The following PDE6A variants were observed in gnomAD, a reference collection of about 807,000 sequenced individuals.
PDE6A encodes rod cGMP-specific 3',5'-cyclic phosphodiesterase subunit alpha.
In PDE6A, 84 loss-of-function variants were observed where a neutral mutation model predicts 106.3. The observed-to-expected ratio is 0.79, with a 90% CI of 0.66 to 0.95. The LOEUF (loss-of-function observed/expected upper bound fraction) is 0.95, where lower values mean the gene tolerates loss of function less well. PDE6A is among the 40% of genes least tolerant of loss of function. PDE6A has a pLI of 0.00. For synonymous variants in PDE6A, 394 were observed against 386.6 expected, an observed-to-expected ratio of 1.02 and a Z score of -0.23; for missense variants, 1,052 against 1,084.9, an observed-to-expected ratio of 0.97 and a Z score of 0.43.
intron 21 of PDE6A, among the ~76,000 whole-genome samples, chr5:149,861,228 G>A (rs1408084735): frequency 3.3e-5 from 5 of 152,248 alleles, no homozygotes; most frequent in African/African-American, 1.2e-4. Context: ...GGGGAGCTGT[G>A]AACATGACAA....
chr5:149,870,834 C>A (rs2113516693), intron 17 of PDE6A, among the ~76,000 whole-genome samples: 1 of 123,598 alleles, frequency 8.1e-6, no homozygotes, highest in Non-Finnish European at 1.7e-5. Context: ...GAAAAAGGTC[C>A]AAGGTGAAAA....
intron 5 of PDE6A, among the ~76,000 whole-genome samples, chr5:149,916,406 A>G (rs1425062265): frequency 6.6e-6 from 1 of 152,176 alleles, no homozygotes; most frequent in African/African-American, 2.4e-5. Context: ...TCCTCCCTGC[A>G]GGGTGCATCT....
At chr5:149,932,530 C>A in intron 3 of PDE6A, 2 of 1,381,210 alleles carry the variant, frequency 1.4e-6, no homozygotes, top group Non-Finnish European at 2.1e-6. Context: ...ATCACGCTAG[C>A]ATTTGGAACT....
intron 6 of PDE6A, among the ~76,000 whole-genome samples, chr5:149,911,880 A>C: frequency 6.7e-6 from 1 of 149,316 alleles, no homozygotes; most frequent in South Asian, 2.1e-4. Flanking sequence ...TTGGCCAGGC[A>C]TGGTGGCTCA....
At chr5:149,883,766 C>T (rs1761018240) in intron 16 of PDE6A, among the ~76,000 whole-genome samples, 2 of 152,244 alleles carry the variant, frequency 1.3e-5, no homozygotes, top group African/African-American at 4.8e-5. Context: ...GTGTTCCCAT[C>T]TGTACAGCGG....
At chr5:149,862,492 C>T (rs1233457892) in intron 21 of PDE6A, among the ~76,000 whole-genome samples, 1 of 152,208 alleles carries the variant, frequency 6.6e-6, no homozygotes, top group Non-Finnish European at 1.5e-5. Context: ...GACGCGGTGG[C>T]TTATGCCTGT....
At chr5:149,864,686 T>C (rs1561674122) in intron 20 of PDE6A, among the ~76,000 whole-genome samples, 1 of 152,194 alleles carries the variant, frequency 6.6e-6, no homozygotes. Context: ...AGATGCAGAT[T>C]GATGGAGTGG....
intron 5 of PDE6A, among the ~76,000 whole-genome samples, chr5:149,919,723 C>G (rs1753649517): frequency 6.6e-6 from 1 of 152,174 alleles, no homozygotes; most frequent in Admixed American, 6.5e-5. Context: ...TTGTTACCTT[C>G]TACCTGAGCA....
rs758714143 is a variant in PDE6A, at chr5:149,895,274, A to G, written c.1637T>C (p.Met546Thr). The G allele has an allele frequency of 1.9e-6, 3 of 1,613,266 alleles. No homozygotes were observed. Among genetic ancestry groups the G allele is most frequent in the East Asian group, 4.5e-5 (2 of 44,868 alleles). Residue 546 changes from methionine (M) to threonine (T), a missense_variant, in exon 13 of 22, where the codon ATG becomes ACG. Physicochemically the swap from Met to Thr is moderately conservative, Grantham distance 81. Transcript: ENST00000255266. ...GCGGTAGCCCTTACTCAGGGAGTACATGAACCGCACCAGGGCCTGTGAACA... is the reference window on the plus strand; with the variant it reads ...GCGGTAGCCCTTACTCAGGGAGTACGTGAACCGCACCAGGGCCTGTGAACA... ...HIPQEALVRF[M>T]YSLSKGYRKI...
intron 12 of PDE6A, 95 bp downstream of exon 12, chr5:149,896,259 ACT>A (rs765703727): frequency 1.0e-6 from 1 of 1,003,174 alleles, no homozygotes; most frequent in Admixed American, 1.9e-5. Context: ...CTGAGAGTAA[ACT>A]CTTTTTAAGG....
chr5:149,918,813 AG>A (rs1753627100), intron 5 of PDE6A, among the ~76,000 whole-genome samples: 1 of 151,742 alleles, frequency 6.6e-6, no homozygotes, highest in Admixed American at 6.6e-5. Context: ...GTTAGAGACA[AG>A]GTCTCACTTT....
chr5:149,922,162 T>C (rs1472912615), intron 4 of PDE6A, among the ~76,000 whole-genome samples: 2 of 152,164 alleles, frequency 1.3e-5, no homozygotes, highest in African/African-American at 2.4e-5. Flanking sequence ...TTAACAATGA[T>C]GTTACAGACG....
In PDE6A at chr5:149,908,532, T is replaced by C. The variant is rs1333199538; in HGVS notation, c.999-1154A>G. Among the ~76,000 whole-genome samples, 2 of 152,210 alleles carry C rather than the reference T, an allele frequency of 1.3e-5. 1 individual carries two copies. Among genetic ancestry groups the C allele is most frequent in the South Asian group, 4.1e-4 (2 of 4,830 alleles). ...GGTGAGGTCTAGTGGTATCTCATCATAGTTTTCTTTCATATTTCTCTACAA... is the reference window on the plus strand; with the variant it reads ...GGTGAGGTCTAGTGGTATCTCATCACAGTTTTCTTTCATATTTCTCTACAA... On this transcript the variant is annotated intron_variant, in intron 6 of 21. Transcript: ENST00000255266.
intron 6 of PDE6A, 66 bp from the exon 7 acceptor site, chr5:149,907,444 T>A: frequency 7.5e-7 from 1 of 1,341,212 alleles, no homozygotes; most frequent in Non-Finnish European, 1.1e-6. Flanking sequence ...GACTAAAATC[T>A]GGGTGTTTGC....
chr5:149,871,100 T>A (rs1271685095), intron 17 of PDE6A, among the ~76,000 whole-genome samples: 1 of 152,168 alleles, frequency 6.6e-6, no homozygotes, highest in Admixed American at 6.5e-5. Context: ...CAGTCTTATA[T>A]GTGGAAGCCC....
intron 17 of PDE6A, 69 bp downstream of exon 17, chr5:149,883,360 G>T: frequency 1.0e-6 from 1 of 998,868 alleles, no homozygotes; most frequent in Non-Finnish European, 1.6e-6. Context: ...GGCAGCAAGA[G>T]CTGTCAGTGC....
intron 17 of PDE6A, among the ~76,000 whole-genome samples, chr5:149,877,468 G>A (rs770832004): frequency 1.1e-4 from 16 of 152,128 alleles, no homozygotes; most frequent in African/African-American, 2.4e-4. Flanking sequence ...GGAGTGCAGC[G>A]GTGCAATCTT....
chr5:149,894,629 A>ATTT (rs10657525), intron 13 of PDE6A, among the ~76,000 whole-genome samples: 9,995 of 112,884 alleles, frequency 0.089, 786 homozygotes, highest in South Asian at 0.18. Context: ...GAACTGTTGA[A>ATTT]TTTTTTTTTT....
chr5:149,929,370 G>T (rs1266126847), intron 4 of PDE6A, among the ~76,000 whole-genome samples: 1 of 152,286 alleles, frequency 6.6e-6, no homozygotes, highest in Non-Finnish European at 1.5e-5. Context: ...ACTTTGGGAG[G>T]CCGAGGCAGG....
Sources: gnomAD v4.1 joint callset for allele counts (sites outside exome capture counted in the v4.1 genomes callset) on GRCh38, gnomAD v4.1.1 for gene constraint, MANE v1.5 for transcripts, NCBI Gene and HGNC (gene_info 2026-07-23, HGNC 2026-07-21) for gene names.